Variants in PRLR observed in about 807,000 individuals in gnomAD.
PRLR encodes hPRL receptor.
Under a neutral mutation model 40.2 loss-of-function variants are expected in PRLR, and 13 were observed. The ratio of observed to expected loss-of-function variants is 0.32; its 90% CI spans 0.21 to 0.51. PRLR has a LOEUF of 0.51. Among genes scored for constraint, PRLR ranks in the 20% least tolerant of loss-of-function variants. The pLI is 0.97. For synonymous variants in PRLR, 269 were observed against 278.7 expected, an observed-to-expected ratio of 0.97 and a Z score of 0.35; for missense variants, 656 against 747.3, an observed-to-expected ratio of 0.88 and a Z score of 1.42.
At chr5:35,114,547 T>C (rs769847547) in intron 2 of PRLR, among the ~76,000 whole-genome samples, 8 of 152,192 alleles carry the variant, frequency 5.3e-5, no homozygotes, top group Non-Finnish European at 1.0e-4. Context: ...TAATTTCAGA[T>C]GGACAAGATG....
chr5:35,177,228 C>T (rs893786091), intron 1 of PRLR, among the ~76,000 whole-genome samples: 11 of 152,044 alleles, frequency 7.2e-5, no homozygotes, highest in African/African-American at 2.4e-4. Context: ...ATATGCTGAA[C>T]GCTGGTTCCC....
chr5:35,105,957 T>A (rs1772215498), intron 2 of PRLR, among the ~76,000 whole-genome samples: 1 of 151,972 alleles, frequency 6.6e-6, no homozygotes, highest in Non-Finnish European at 1.5e-5. Flanking sequence ...AAGGAAAAAA[T>A]GTTACGGGCA....
chr5:35,112,202 C>T (rs1300485471), intron 2 of PRLR, among the ~76,000 whole-genome samples: 1 of 152,178 alleles, frequency 6.6e-6, no homozygotes, highest in African/African-American at 2.4e-5. Flanking sequence ...TTTTCCCCTA[C>T]TTCTCTGAAT....
At chr5:35,142,457 G>A (rs1378576513) in intron 1 of PRLR, among the ~76,000 whole-genome samples, 1 of 152,182 alleles carries the variant, frequency 6.6e-6, no homozygotes, top group East Asian at 1.9e-4. Context: ...AGAGAAGGCT[G>A]CAGAATTATC....
At chr5:35,070,448 G>C (rs1357169915) in intron 6 of PRLR, among the ~76,000 whole-genome samples, 183 bp from the exon 7 acceptor site, 1 of 152,270 alleles carries the variant, frequency 6.6e-6, no homozygotes, top group South Asian at 2.1e-4. Flanking sequence ...CAAAAATTTA[G>C]CAGGTTTTCT....
At chr5:35,171,297 G>C (rs1208234354) in intron 1 of PRLR, among the ~76,000 whole-genome samples, 1 of 150,248 alleles carries the variant, frequency 6.7e-6, no homozygotes, top group Non-Finnish European at 1.5e-5. Flanking sequence ...TGTCATCTGA[G>C]AGGTTTTTGG....
intron 1 of PRLR, among the ~76,000 whole-genome samples, chr5:35,210,744 CTG>C (rs1299527334): frequency 6.6e-6 from 1 of 152,072 alleles, no homozygotes; most frequent in Non-Finnish European, 1.5e-5. Context: ...AGGTCTAACT[CTG>C]TTATCCAGGC....
At chr5:35,220,336 C>T (rs992431722) in intron 1 of PRLR, among the ~76,000 whole-genome samples, 3 of 152,142 alleles carry the variant, frequency 2.0e-5, no homozygotes, top group African/African-American at 7.2e-5. Context: ...CAGACCTTTT[C>T]CAGTCTTAGG....
chr5:35,172,723 G>A (rs1231648721), intron 1 of PRLR, among the ~76,000 whole-genome samples: 1 of 152,200 alleles, frequency 6.6e-6, no homozygotes, highest in Non-Finnish European at 1.5e-5. Context: ...GGCAGCATGA[G>A]CTCCCTGTCC....
Position 35,070,180 on chromosome 5 carries a change from G to A in PRLR, c.629C>T (p.Pro210Leu). Residue 210 changes from proline to leucine, a missense_variant, in exon 7 of 10, where the codon CCA becomes CTA. By Grantham distance (98) the Pro-to-Leu change is moderately conservative. This residue lies in a region of PRLR where 7 missense variants were observed against 19.0 expected (regional missense o/e 0.37). Coordinates refer to ENST00000618457, the MANE Select transcript of PRLR (RefSeq NM_000949.7). The stretch of plus-strand genomic sequence containing the variant: ...CCATGCACTCCAGTATCCATGGTCT[G>A]GTTTGCAGCGAACCTGGACAAGGTA... ...QKYLVQVRCK[P>L]DHGYWSAWSP... is the part of the protein sequence containing the mutation. 6.2e-7 allele frequency: 1 copy of A among 1,614,168 alleles called. No homozygotes were observed. The highest frequency in any genetic ancestry group is 8.5e-7 in the Non-Finnish European group (1 of 1,180,014).
At chr5:35,226,171 G>A (rs984607714) in intron 1 of PRLR, among the ~76,000 whole-genome samples, 54 of 152,212 alleles carry the variant, frequency 3.5e-4, no homozygotes, top group African/African-American at 1.1e-3. Flanking sequence ...AATACAAATC[G>A]TTGTCAGCAT....
intron 1 of PRLR, among the ~76,000 whole-genome samples, chr5:35,158,989 T>A (rs929826936): frequency 6.6e-6 from 1 of 152,224 alleles, no homozygotes; most frequent in Non-Finnish European, 1.5e-5. Flanking sequence ...TTATTTTTGC[T>A]TAGCTCTGTT....
At chr5:35,196,910 T>C (rs1233020611) in intron 1 of PRLR, among the ~76,000 whole-genome samples, 1 of 152,328 alleles carries the variant, frequency 6.6e-6, no homozygotes, top group South Asian at 2.1e-4. Context: ...GACTGCACAC[T>C]GCTGACTTCC....
At chr5:35,158,064 G>T (rs1774563288) in intron 1 of PRLR, among the ~76,000 whole-genome samples, 2 of 152,176 alleles carry the variant, frequency 1.3e-5, no homozygotes, top group African/African-American at 2.4e-5. Flanking sequence ...CTCAAAGTCA[G>T]GTCAGGCAGG....
intron 1 of PRLR, chr5:35,130,398 T>C (rs1012306376): frequency 6.6e-6 from 1 of 152,118 alleles, no homozygotes; most frequent in Admixed American, 6.5e-5. Context: ...GGTTGAGTCA[T>C]GAGTCCCTTT....
intron 1 of PRLR, among the ~76,000 whole-genome samples, chr5:35,208,276 C>T (rs563244792): frequency 1.3e-5 from 2 of 152,208 alleles, no homozygotes; most frequent in Admixed American, 1.3e-4. Context: ...ACTGTTTCCT[C>T]TCTCTAAATT....
chr5:35,080,755 C>T (rs1033318166), intron 5 of PRLR, among the ~76,000 whole-genome samples: 13 of 152,018 alleles, frequency 8.6e-5, no homozygotes, highest in East Asian at 3.9e-4. Context: ...ATGTTTATTG[C>T]GGCACTATTC....
chr5:35,068,187 C>T (rs375275089), intron 9 of PRLR, 29 bp downstream of exon 9: 565 of 1,559,030 alleles, frequency 3.6e-4, no homozygotes, highest in Admixed American at 7.0e-4. Flanking sequence ...CAGTGAGTCA[C>T]ACTCCATTTT....
chr5:35,206,087 G>T (rs1349503692), intron 1 of PRLR, among the ~76,000 whole-genome samples: 2 of 152,108 alleles, frequency 1.3e-5, no homozygotes, highest in African/African-American at 4.8e-5. Context: ...CTGTGGAAAA[G>T]GACAGGTAGC....
Sources: gnomAD v4.1 joint callset for allele counts (sites outside exome capture counted in the v4.1 genomes callset) on GRCh38, gnomAD v4.1.1 for gene constraint, gnomAD v4.1.1 regional missense constraint, MANE v1.5 for transcripts, NCBI Gene and HGNC (gene_info 2026-07-23, HGNC 2026-07-21) for gene names.